The following ZMYM4 variants were observed in gnomAD, a reference collection of about 807,000 sequenced individuals.
The protein encoded by ZMYM4 is zinc finger MYM-type protein 4.
In ZMYM4, 31 loss-of-function variants were observed where a neutral mutation model predicts 183.2. That is an observed-to-expected ratio of 0.17 (90% CI 0.13 to 0.23). The LOEUF (loss-of-function observed/expected upper bound fraction) is 0.23, where lower values mean the gene tolerates loss of function less well. Ranked by LOEUF, ZMYM4 falls within the 10% of genes least tolerant of loss-of-function variation. The pLI is 1.00. For missense variants in ZMYM4, 1,273 were observed against 1,840.3 expected, an observed-to-expected ratio of 0.69 and a Z score of 5.64; for synonymous variants, 592 against 631.2, an observed-to-expected ratio of 0.94 and a Z score of 0.93.
At chr1:35,417,219 A>G (rs1396071182) in intron 28 of ZMYM4, among the ~76,000 whole-genome samples, 11 of 150,998 alleles carry the variant, frequency 7.3e-5, no homozygotes, top group Non-Finnish European at 1.6e-4. Flanking sequence ...CCTGGGCAAC[A>G]GAGTGAGACC....
intron 1 of ZMYM4, among the ~76,000 whole-genome samples, chr1:35,284,138 T>A (rs600510): frequency 4.0e-5 from 6 of 151,080 alleles, no homozygotes; most frequent in Admixed American, 1.3e-4. Flanking sequence ...CACCGCGCCC[T>A]GCTAATTTTT....
chr1:35,358,320 T>G (rs1643874934), intron 2 of ZMYM4, among the ~76,000 whole-genome samples: 1 of 152,172 alleles, frequency 6.6e-6, no homozygotes, highest in African/African-American at 2.4e-5. Context: ...TCTTTTATTC[T>G]AGGTTGGATA....
intron 1 of ZMYM4, among the ~76,000 whole-genome samples, chr1:35,274,408 C>G (rs1333874166): frequency 6.6e-6 from 1 of 151,912 alleles, no homozygotes; most frequent in Non-Finnish European, 1.5e-5. Flanking sequence ...AGTTTGAGAC[C>G]ATCCTGGACA....
At chr1:35,318,544 G>A (rs1452774097) in intron 1 of ZMYM4, among the ~76,000 whole-genome samples, 1 of 151,996 alleles carries the variant, frequency 6.6e-6, no homozygotes, top group Non-Finnish European at 1.5e-5. Flanking sequence ...TGCAACCTCC[G>A]TCTCCCAGGT....
rs558931334 is a variant in ZMYM4, at chr1:35,367,472, A to G, written c.841-2557A>G. On this transcript the variant is annotated intron_variant, in intron 5 of 29. Coordinates refer to ENST00000314607, the MANE Select transcript of ZMYM4 (RefSeq NM_005095.3). ...TCAGACTCCTAACCTCAGGTGATCCACCCACCTCGGCCTCCCAAGGTGATT... is the reference window on the plus strand; with the variant it reads ...TCAGACTCCTAACCTCAGGTGATCCGCCCACCTCGGCCTCCCAAGGTGATT... Among the ~76,000 whole-genome samples the G allele has an allele frequency of 8.6e-5, 13 of 151,998 alleles. 2 individuals are homozygous for G. The highest frequency in any genetic ancestry group is 2.7e-4 in the African/African-American group (11 of 41,472).
chr1:35,294,012 G>A (rs1055012638), intron 1 of ZMYM4, among the ~76,000 whole-genome samples: 2 of 152,074 alleles, frequency 1.3e-5, no homozygotes, highest in African/African-American at 4.8e-5. Context: ...GCACGCGCCT[G>A]CAGTCCCAGC....
intron 1 of ZMYM4, among the ~76,000 whole-genome samples, chr1:35,303,242 T>C (rs1641372083): frequency 1.3e-5 from 2 of 149,312 alleles, no homozygotes; most frequent in Non-Finnish European, 3.0e-5. Flanking sequence ...TGAGCTGTCA[T>C]GGTACCACTG....
chr1:35,286,174 A>G (rs1020816530), intron 1 of ZMYM4, among the ~76,000 whole-genome samples: 2 of 152,212 alleles, frequency 1.3e-5, no homozygotes, highest in Non-Finnish European at 2.9e-5. Context: ...AAAACTGTGC[A>G]AGTTAGTAAG....
Position 35,392,283 on chromosome 1 carries a change from G to C in ZMYM4, c.2659G>C (p.Ala887Pro), listed in dbSNP as rs745392172. 1 of 1,614,172 alleles carries C rather than the reference G, an allele frequency of 6.2e-7. No individual in the cohort carries two copies. Among genetic ancestry groups the C allele is most frequent in the Non-Finnish European group, 8.5e-7 (1 of 1,180,024 alleles). ...GAGAAAAGATTCGACTCCAGTTATAGCCAATGTAGTATCATTGGCAAGTGC... is the reference window on the plus strand; with the variant it reads ...GAGAAAAGATTCGACTCCAGTTATACCCAATGTAGTATCATTGGCAAGTGC... ...SLRKDSTPVIANVVSLASAPA... is the reference protein window; with the variant it reads ...SLRKDSTPVIPNVVSLASAPA... The change falls in exon 16 of 30, where the codon GCC (alanine) becomes CCC (proline). Residue 887 changes from alanine to proline, a missense_variant. By Grantham distance (27) the Ala-to-Pro change is conservative (BLOSUM62 -1). Transcript: ENST00000314607.
chr1:35,331,062 A>C (rs994168959), intron 2 of ZMYM4, among the ~76,000 whole-genome samples: 4 of 152,090 alleles, frequency 2.6e-5, no homozygotes, highest in African/African-American at 9.7e-5. Flanking sequence ...ATATAATTAA[A>C]ATTTTTCTAA....
At chr1:35,370,315 A>G in intron 6 of ZMYM4, 57 bp from the exon 7 acceptor site, 1 of 1,461,226 alleles carries the variant, frequency 6.8e-7, no homozygotes, top group Non-Finnish European at 9.0e-7. Context: ...TCATGGTAAA[A>G]AGTAAAACAT....
intron 1 of ZMYM4, among the ~76,000 whole-genome samples, chr1:35,286,131 T>C (rs891947027): frequency 6.6e-6 from 1 of 152,208 alleles, no homozygotes; most frequent in African/African-American, 2.4e-5. Context: ...CATGATCTTA[T>C]ACGTAGAATA....
chr1:35,280,749 C>G (rs1336430586), intron 1 of ZMYM4, among the ~76,000 whole-genome samples: 1 of 152,108 alleles, frequency 6.6e-6, no homozygotes, highest in African/African-American at 2.4e-5. Flanking sequence ...CTCTTTGTCT[C>G]TCTTGTCTTC....
intron 1 of ZMYM4, among the ~76,000 whole-genome samples, chr1:35,313,874 G>A (rs115341839): frequency 1.9e-3 from 283 of 152,174 alleles, no homozygotes; most frequent in African/African-American, 5.8e-3. Context: ...TGAAAGGGCC[G>A]GTCTTTCAAG....
At chr1:35,331,791 AAAATACATAAATAAAT>A (rs1558017211) in intron 2 of ZMYM4, among the ~76,000 whole-genome samples, 3 of 84,428 alleles carry the variant, frequency 3.6e-5, no homozygotes, top group African/African-American at 1.3e-4. Context: ...CTCCATCTCA[AAAATACATAAATAAAT>A]AAATAAATAA....
chr1:35,368,197 G>GGAC lies in ZMYM4; in HGVS notation c.841-1831_841-1829dup, dbSNP rs1328547024. Among the ~76,000 whole-genome samples the GGAC allele has an allele frequency of 3.9e-5, 6 of 151,948 alleles. No homozygotes were observed. In the East Asian group the frequency reaches 1.2e-3, roughly 29 times the overall value. On this transcript the variant is annotated intron_variant, in intron 5 of 29. Transcript: ENST00000314607. Reference sequence around the variant, plus strand: ...CCACCAGAGCAGAGTTGAGTAGTTGGGACAGAGACCATATGGCCTGCAAAG... The same window carrying GGAC: ...CCACCAGAGCAGAGTTGAGTAGTTGGGACGACAGAGACCATATGGCCTGCAAAG...
chr1:35,284,531 G>A (rs1228887486), intron 1 of ZMYM4, among the ~76,000 whole-genome samples: 1 of 152,138 alleles, frequency 6.6e-6, no homozygotes, highest in Non-Finnish European at 1.5e-5. Context: ...AGCACCTTTT[G>A]TTGAAGAGCC....
At chr1:35,301,905 A>G (rs1455951126) in intron 1 of ZMYM4, among the ~76,000 whole-genome samples, 1 of 152,158 alleles carries the variant, frequency 6.6e-6, no homozygotes, top group Non-Finnish European at 1.5e-5. Flanking sequence ...TGGGGCAATG[A>G]TAGGACTCAC....
Position 35,405,542 on chromosome 1 carries a change from A to AT in ZMYM4, c.3796+77dup. ...GCGGATTTAAATTTGTAAATTGAAT[A>AT]TTTAAAATTATTTAAAATTTAGAGT... On this transcript the variant is annotated intron_variant, in intron 25 of 29. Transcript: ENST00000314607. 14 of 1,081,588 alleles carry AT rather than the reference A, an allele frequency of 1.3e-5. 1 individual carries two copies. In the South Asian group the frequency reaches 2.5e-4, roughly 20 times the overall value. The allele number at this position is 1,081,588 out of a possible 1,614,324, so 67.0% of individuals were successfully genotyped here.
Sources: allele counts gnomAD v4.1 joint callset (sites outside exome capture counted in the v4.1 genomes callset), GRCh38; gene constraint gnomAD v4.1.1; transcripts MANE v1.5; gene names NCBI Gene and HGNC (gene_info 2026-07-23, HGNC 2026-07-21).